C6: variants seen among roughly 807,000 people sequenced by gnomAD.
C6 encodes complement C6.
A neutral mutation model predicts 112.9 loss-of-function variants in C6; 101 were observed. The observed-to-expected ratio is 0.89, with a 90% confidence interval of 0.76 to 1.06. The LOEUF is 1.06. Ranked by LOEUF, C6 falls within the 50% of genes least tolerant of loss-of-function variation. The pLI, the probability that C6 is intolerant of heterozygous loss-of-function variation, is 0.00. For synonymous variants in C6, 431 were observed against 384.1 expected (o/e 1.12, Z -1.43); for missense variants, 1,202 against 1,104.6 (o/e 1.09, Z -1.25).
intron 1 of C6, among the ~76,000 whole-genome samples, chr5:41,226,430 G>A (rs11949918): frequency 0.013 from 1,928 of 152,176 alleles, 55 homozygotes; most frequent in African/African-American, 0.044. Context: ...TTAGAATGGC[G>A]ATCATTAAAA....
At position 41,179,960 on chromosome 5, in the gene C6, G is replaced by A. The variant is rs112993140; in HGVS notation, c.927+1399C>T. ...AAGTCACTTAGCTTCTTGGACTTTA[G>A]TTAGTGCCTGACTCATGGTAGGTAT... On this transcript the variant is annotated intron_variant, in intron 7 of 17. Coordinates refer to ENST00000337836, the MANE Select transcript of C6 (RefSeq NM_000065.5). Among the ~76,000 whole-genome samples the A allele has an allele frequency of 6.6e-3, 1,004 of 152,098 alleles. 11 individuals are homozygous for A. The highest frequency in any genetic ancestry group is 0.023 in the African/African-American group (946 of 41,514).
chr5:41,229,715 A>G (rs548631949), intron 1 of C6, among the ~76,000 whole-genome samples: 1 of 152,248 alleles, frequency 6.6e-6, no homozygotes, highest in South Asian at 2.1e-4. Context: ...TGTTATTCAA[A>G]TCTTCGGCTT....
chr5:41,257,945 T>A (rs1422372888), intron 1 of C6, among the ~76,000 whole-genome samples: 1 of 152,170 alleles, frequency 6.6e-6, no homozygotes, highest in Non-Finnish European at 1.5e-5. Flanking sequence ...TCAGCATAAA[T>A]TTTTTAAATC....
intron 5 of C6, among the ~76,000 whole-genome samples, chr5:41,194,688 G>C (rs1040589102): frequency 2.6e-5 from 4 of 151,912 alleles, no homozygotes; most frequent in Non-Finnish European, 5.9e-5. Flanking sequence ...TCTTTATTAT[G>C]TAAAGGGGAG....
chr5:41,194,773 T>C (rs1475294239), intron 5 of C6, among the ~76,000 whole-genome samples: 2 of 152,182 alleles, frequency 1.3e-5, no homozygotes, highest in Non-Finnish European at 1.5e-5. Flanking sequence ...TTCATAGCCT[T>C]CTCTTATATT....
intron 16 of C6, 124 bp from the exon 17 acceptor site, chr5:41,149,606 CAAGCCCTGGGCTTGAGTGAG>C: frequency 8.1e-7 from 1 of 1,241,982 alleles, no homozygotes; most frequent in East Asian, 2.3e-5. Context: ...CACCCCACTC[CAAGCCCTGGGCTTGAGTGAG>C]AGGAACAGGA....
intron 7 of C6, among the ~76,000 whole-genome samples, chr5:41,178,394 G>C (rs900184791): frequency 6.6e-6 from 1 of 151,134 alleles, no homozygotes; most frequent in African/African-American, 2.4e-5. Context: ...TTTCAATTTT[G>C]TGGTATCTTG....
chr5:41,216,092 CAG>C (rs370061980), upstream of C6, among the ~76,000 whole-genome samples: 83 of 152,094 alleles, frequency 5.5e-4, 1 homozygote, highest in East Asian at 0.015. Flanking sequence ...ATGGAGGAAA[CAG>C]AAGGTATTTT....
intron 9 of C6, among the ~76,000 whole-genome samples, chr5:41,165,390 C>T (rs1747893306): frequency 6.6e-6 from 1 of 152,148 alleles, no homozygotes; most frequent in African/African-American, 2.4e-5. Flanking sequence ...CCAATTTATA[C>T]TCCTACCAGC....
intron 17 of C6, among the ~76,000 whole-genome samples, chr5:41,143,654 G>T (rs1423414): frequency 6.6e-6 from 1 of 151,968 alleles, no homozygotes. Context: ...AGCCCTTTGC[G>T]CATTGCCACA....
chr5:41,143,132 C>T, intron 17 of C6, 126 bp from the exon 18 acceptor site: 2 of 801,830 alleles, frequency 2.5e-6, no homozygotes, highest in African/African-American at 3.4e-5. Context: ...AAAGCTTTCT[C>T]TAATGAATGA....
intron 3 of C6, among the ~76,000 whole-genome samples, 181 bp downstream of exon 3, chr5:41,201,377 A>G (rs1176516483): frequency 6.6e-6 from 1 of 152,216 alleles, no homozygotes; most frequent in Non-Finnish European, 1.5e-5. Context: ...AGTAAAATAC[A>G]TAAAATAAAC....
chr5:41,172,323 T>C lies in C6; in HGVS notation c.1193A>G (p.His398Arg), dbSNP rs1438175828. The C allele has an allele frequency of 3.1e-6, 5 of 1,613,482 alleles. No individual in the cohort carries two copies. In the African/African-American group the frequency reaches 4.0e-5, roughly 13 times the overall value. Residue 398 changes from histidine (H) to arginine (R), a missense_variant, in exon 9 of 18, where the codon CAC (histidine) becomes CGC (arginine). His to Arg is a conservative substitution (Grantham distance 29). Transcript: ENST00000337836. Reference protein sequence around the residue: ...NSGLTEEEAKHCVRIETKKRV... With the variant: ...NSGLTEEEAKRCVRIETKKRV... Reference sequence around the variant, plus strand: ...TTTCTTTGTTTCAATCCTGACACAGTGTTTGGCTTCTTCCTCGGTTAAACC... The same window carrying C: ...TTTCTTTGTTTCAATCCTGACACAGCGTTTGGCTTCTTCCTCGGTTAAACC...
intron 1 of C6, among the ~76,000 whole-genome samples, chr5:41,236,480 G>T (rs1740312160): frequency 6.8e-6 from 1 of 147,814 alleles, no homozygotes; most frequent in South Asian, 2.2e-4. Context: ...ATGACTACTG[G>T]GTACATAACG....
At chr5:41,147,594 A>G (rs923932601) in intron 17 of C6, among the ~76,000 whole-genome samples, 1 of 152,236 alleles carries the variant, frequency 6.6e-6, no homozygotes. Context: ...AAAAGAGTCA[A>G]GAGGAACAAT....
intron 1 of C6, among the ~76,000 whole-genome samples, chr5:41,223,417 A>T (rs1456772450): frequency 6.6e-6 from 1 of 152,220 alleles, no homozygotes; most frequent in East Asian, 1.9e-4. Context: ...TGTCTGGGCA[A>T]TCTCAGGTCC....
chr5:41,243,063 CT>C (rs1330810729), intron 1 of C6, among the ~76,000 whole-genome samples: 5 of 152,122 alleles, frequency 3.3e-5, no homozygotes, highest in Non-Finnish European at 4.4e-5. Flanking sequence ...CTTTTCTTTT[CT>C]TTTGAGTTCT....
At chr5:41,198,092 A>G (rs1750743109) in intron 4 of C6, among the ~76,000 whole-genome samples, 1 of 152,182 alleles carries the variant, frequency 6.6e-6, no homozygotes, top group African/African-American at 2.4e-5. Flanking sequence ...AAGAGTTGGT[A>G]TATTGCATGG....
chr5:41,215,439 C>A (rs1363053798), upstream of C6, among the ~76,000 whole-genome samples: 1 of 152,144 alleles, frequency 6.6e-6, no homozygotes, highest in African/African-American at 2.4e-5. Flanking sequence ...GTGCTCAGGT[C>A]TGACTCTGTG....
Sources: allele counts gnomAD v4.1 joint callset (sites outside exome capture counted in the v4.1 genomes callset), GRCh38; gene constraint gnomAD v4.1.1; transcripts MANE v1.5; gene names NCBI Gene and HGNC (gene_info 2026-07-23, HGNC 2026-07-21).